GRIN2B: variants seen among roughly 807,000 people sequenced by gnomAD.
GRIN2B encodes the protein glutamate receptor ionotropic, NMDA 2B.
Under a neutral mutation model 114.5 loss-of-function variants are expected in GRIN2B, and 5 were observed. The observed-to-expected ratio is 0.04, with a 90% CI of 0.02 to 0.09. The LOEUF is 0.09. Ranked by LOEUF, GRIN2B falls within the 10% of genes least tolerant of loss-of-function variation. GRIN2B has a pLI of 1.00. For missense variants in GRIN2B, 1,108 were observed against 1,943.5 expected, an observed-to-expected ratio of 0.57 and a Z score of 8.08; for synonymous variants, 787 against 745.1, an observed-to-expected ratio of 1.06 and a Z score of -0.92.
At chr12:13,655,020 G>C (rs187178076) in intron 5 of GRIN2B, among the ~76,000 whole-genome samples, 7 of 152,112 alleles carry the variant, frequency 4.6e-5, no homozygotes. Flanking sequence ...AAAAATGTCA[G>C]TCTTCCACAG....
At chr12:13,567,572 C>T (rs1948657669) in intron 12 of GRIN2B, among the ~76,000 whole-genome samples, 1 of 152,168 alleles carries the variant, frequency 6.6e-6, no homozygotes, top group South Asian at 2.1e-4. Flanking sequence ...TATAAATAAT[C>T]ACAATGACAA....
chr12:13,847,547 G>A (rs1457537952), intron 3 of GRIN2B, among the ~76,000 whole-genome samples: 1 of 152,170 alleles, frequency 6.6e-6, no homozygotes, highest in Non-Finnish European at 1.5e-5. Flanking sequence ...CTGACAGGAT[G>A]AAGCACGATG....
intron 3 of GRIN2B, among the ~76,000 whole-genome samples, chr12:13,831,114 C>G (rs951016711): frequency 6.6e-6 from 1 of 152,176 alleles, no homozygotes; most frequent in Non-Finnish European, 1.5e-5. Context: ...CGCTCTCCCA[C>G]CTCGTGGTCT....
intron 3 of GRIN2B, among the ~76,000 whole-genome samples, chr12:13,757,731 C>A (rs1259520097): frequency 6.6e-6 from 1 of 152,060 alleles, no homozygotes. Flanking sequence ...ATAAGCAGCA[C>A]AGGGAAGGTA....
At chr12:13,778,977 T>C (rs1565534065) in intron 3 of GRIN2B, among the ~76,000 whole-genome samples, 1 of 152,188 alleles carries the variant, frequency 6.6e-6, no homozygotes, top group Non-Finnish European at 1.5e-5. Context: ...ACAGATATAA[T>C]ATATCCCATA....
At chr12:13,760,010 G>A (rs949561370) in intron 3 of GRIN2B, among the ~76,000 whole-genome samples, 32 of 152,070 alleles carry the variant, frequency 2.1e-4, no homozygotes, top group African/African-American at 2.9e-4. Flanking sequence ...CCTCTTCCAC[G>A]TCTTTGCTAA....
intron 3 of GRIN2B, among the ~76,000 whole-genome samples, chr12:13,829,374 T>C (rs1865108019): frequency 6.6e-6 from 1 of 152,234 alleles, no homozygotes; most frequent in Non-Finnish European, 1.5e-5. Context: ...TACTAGGTAC[T>C]CAATATGTGT....
intron 4 of GRIN2B, among the ~76,000 whole-genome samples, chr12:13,689,618 A>G (rs902900915): frequency 1.3e-5 from 2 of 151,996 alleles, no homozygotes; most frequent in Non-Finnish European, 2.9e-5. Context: ...ACCCTCCCCA[A>G]TACTATCCCC....
In GRIN2B at chr12:13,808,323, C is replaced by A. The variant is rs144910588; in HGVS notation, c.412-54408G>T. The stretch of plus-strand genomic sequence containing the variant: ...AAGTAGGACCTGATCCCAATTCACA[C>A]AACTTTCTGGTAGAAGGGCTCTAAT... On this transcript the variant is annotated intron_variant, in intron 3 of 13. Transcript: ENST00000609686. Among the ~76,000 whole-genome samples, 717 of 152,240 alleles carry A rather than the reference C, an allele frequency of 4.7e-3. 3 individuals carry two copies. Among genetic ancestry groups the A allele is most frequent in the South Asian group, 0.012 (58 of 4,820 alleles).
intron 2 of GRIN2B, among the ~76,000 whole-genome samples, chr12:13,918,598 T>C (rs1019275645): frequency 6.6e-6 from 1 of 152,316 alleles, no homozygotes; most frequent in Non-Finnish European, 1.5e-5. Context: ...CAGTCACAAA[T>C]AGCAGCAACC....
chr12:13,713,787 A>G (rs535663049), intron 4 of GRIN2B, among the ~76,000 whole-genome samples: 1 of 151,942 alleles, frequency 6.6e-6, no homozygotes, highest in Non-Finnish European at 1.5e-5. Context: ...TGTCTACAAG[A>G]TGTTTCCTTC....
At chr12:13,608,236 T>C (rs1462403968) in intron 10 of GRIN2B, among the ~76,000 whole-genome samples, 1 of 152,074 alleles carries the variant, frequency 6.6e-6, no homozygotes, top group Non-Finnish European at 1.5e-5. Flanking sequence ...CATGCGCCCA[T>C]CTCCTCGGTG....
At chr12:13,885,276 T>C (rs999038500) in intron 2 of GRIN2B, among the ~76,000 whole-genome samples, 4 of 152,172 alleles carry the variant, frequency 2.6e-5, no homozygotes, top group South Asian at 2.1e-4. Flanking sequence ...GAAGTTCCTA[T>C]AGACAATGAA....
chr12:13,719,115 C>G (rs920249698), intron 4 of GRIN2B, among the ~76,000 whole-genome samples: 1 of 152,020 alleles, frequency 6.6e-6, no homozygotes. Context: ...ACCACGCACT[C>G]TCTTCCATTT....
At chr12:13,626,398 G>A (rs898664892) in intron 5 of GRIN2B, among the ~76,000 whole-genome samples, 1 of 152,134 alleles carries the variant, frequency 6.6e-6, no homozygotes, top group Admixed American at 6.5e-5. Context: ...TGGGCCACAG[G>A]CTGCAATCAC....
At chr12:13,597,855 C>T (rs993367741) in intron 10 of GRIN2B, among the ~76,000 whole-genome samples, 1 of 152,190 alleles carries the variant, frequency 6.6e-6, no homozygotes, top group African/African-American at 2.4e-5. Context: ...TAATAGTAGG[C>T]TTGGCACATA....
At chr12:13,602,955 G>C (rs966091268) in intron 10 of GRIN2B, among the ~76,000 whole-genome samples, 1 of 152,200 alleles carries the variant, frequency 6.6e-6, no homozygotes, top group Non-Finnish European at 1.5e-5. Flanking sequence ...ACCCTGGAGA[G>C]CCCAATGGTC....
At chr12:13,637,276 T>C (rs1949674465) in intron 5 of GRIN2B, among the ~76,000 whole-genome samples, 1 of 152,114 alleles carries the variant, frequency 6.6e-6, no homozygotes, top group South Asian at 2.1e-4. Context: ...AGAAGAGGAA[T>C]TAATCTAGAT....
At chr12:13,673,736 A>G (rs534952847) in intron 5 of GRIN2B, among the ~76,000 whole-genome samples, 2 of 152,114 alleles carry the variant, frequency 1.3e-5, no homozygotes, top group Middle Eastern at 3.4e-3. Context: ...AGGAGTCAAT[A>G]TGACCTGATG....
Sources: gnomAD v4.1 joint callset for allele counts (sites outside exome capture counted in the v4.1 genomes callset) on GRCh38, gnomAD v4.1.1 for gene constraint, MANE v1.5 for transcripts, NCBI Gene and HGNC (gene_info 2026-07-23, HGNC 2026-07-21) for gene names.